The following TLK2 variants were observed in gnomAD, a reference collection of about 807,000 sequenced individuals.
The protein encoded by TLK2 is tousled like kinase 2.
In TLK2, 6 loss-of-function variants were observed where a neutral mutation model predicts 117.3. The observed-to-expected ratio is 0.05, with a 90% confidence interval of 0.03 to 0.10. TLK2 has a LOEUF of 0.10. Among genes scored for constraint, TLK2 ranks in the 10% least tolerant of loss-of-function variants. TLK2 has a pLI of 1.00. For synonymous variants in TLK2, 257 were observed against 316.7 expected, an observed-to-expected ratio of 0.81 and a Z score of 2.00; for missense variants, 299 against 901.2, an observed-to-expected ratio of 0.33 and a Z score of 8.56.
intron 2 of TLK2, among the ~76,000 whole-genome samples, chr17:62,510,737 AC>A (rs1344134836): frequency 6.6e-6 from 1 of 152,164 alleles, no homozygotes; most frequent in Non-Finnish European, 1.5e-5. Flanking sequence ...TCATAAGAAT[AC>A]CAGTTTTAAT....
intron 7 of TLK2, among the ~76,000 whole-genome samples, chr17:62,542,869 A>G (rs2077636483): frequency 6.6e-6 from 1 of 152,238 alleles, no homozygotes; most frequent in Admixed American, 6.5e-5. Flanking sequence ...ATTTTAAAAT[A>G]CAATTCAGAA....
intron 2 of TLK2, among the ~76,000 whole-genome samples, chr17:62,484,360 G>A (rs1303015150): frequency 4.0e-5 from 6 of 151,284 alleles, no homozygotes; most frequent in Non-Finnish European, 8.8e-5. Flanking sequence ...GCAGTGGCGC[G>A]ATCTCAGCTC....
intron 6 of TLK2, among the ~76,000 whole-genome samples, chr17:62,532,538 A>G (rs186153377): frequency 6.6e-6 from 1 of 152,342 alleles, no homozygotes; most frequent in African/African-American, 2.4e-5. Context: ...TGAAAACGTT[A>G]AAGAACTATT....
In TLK2 at chr17:62,546,611, G is replaced by A. The variant is rs1253510171; in HGVS notation, c.532-5691G>A. ...CACCATGTCACCCAGGCTGGAGTGC[G>A]GTGGCGTGATCTTGGCTCACTGCAA... On this transcript the variant is annotated intron_variant, in intron 7 of 21. Coordinates refer to ENST00000346027, the MANE Select transcript of TLK2 (RefSeq NM_006852.6). Among the ~76,000 whole-genome samples, 14 of 145,046 alleles carry A rather than the reference G, an allele frequency of 9.7e-5. No individual in the cohort carries two copies. The East Asian group carries it at 2.4e-3, about 25-fold the overall frequency.
intron 7 of TLK2, among the ~76,000 whole-genome samples, chr17:62,536,892 T>G (rs2077151623): frequency 6.6e-6 from 1 of 152,218 alleles, no homozygotes; most frequent in African/African-American, 2.4e-5. Flanking sequence ...CTTACTTCTT[T>G]CTCTATCTTT....
At chr17:62,514,351 G>A (rs1337053972) in intron 2 of TLK2, among the ~76,000 whole-genome samples, 3 of 151,220 alleles carry the variant, frequency 2.0e-5, no homozygotes, top group African/African-American at 7.3e-5. Context: ...CACCATGTTG[G>A]CCAGGCTGGT....
intron 6 of TLK2, among the ~76,000 whole-genome samples, chr17:62,528,613 C>T (rs958609988): frequency 5.9e-5 from 9 of 152,136 alleles, no homozygotes; most frequent in South Asian, 2.1e-4. Flanking sequence ...CACGAGGTTT[C>T]GCCATGTTGG....
At chr17:62,509,796 G>A (rs1354120194) in intron 2 of TLK2, among the ~76,000 whole-genome samples, 2 of 152,134 alleles carry the variant, frequency 1.3e-5, no homozygotes, top group African/African-American at 4.8e-5. Context: ...GACAGTGTCC[G>A]TCCCCTCTTG....
intron 7 of TLK2, chr17:62,550,592 T>C (rs1240973456): frequency 6.6e-6 from 1 of 152,184 alleles, no homozygotes; most frequent in Non-Finnish European, 1.5e-5. Flanking sequence ...AAAATGGCGT[T>C]AATAATGCTG....
chr17:62,490,188 T>C (rs1005671850), intron 2 of TLK2, among the ~76,000 whole-genome samples: 1 of 152,262 alleles, frequency 6.6e-6, no homozygotes, highest in African/African-American at 2.4e-5. Context: ...TTATTCTGTC[T>C]TCTCTGGCAT....
In TLK2 at chr17:62,482,447, G is replaced by C. The variant is rs143635949; in HGVS notation, c.81+1241G>C. Among the ~76,000 whole-genome samples, 476 of 141,478 alleles carry C rather than the reference G, an allele frequency of 3.4e-3. 3 individuals carry two copies. Among genetic ancestry groups the C allele is most frequent in the African/African-American group, 0.012 (447 of 38,520 alleles). 92.8% of individuals were successfully genotyped at this position (141,478 alleles called of 152,430 possible). On this transcript the variant is annotated intron_variant, in intron 2 of 21. Coordinates refer to ENST00000346027, the MANE Select transcript of TLK2 (RefSeq NM_006852.6). Reference sequence around the variant, plus strand: ...TTGGTGAGCCGGGATAGCTTGATAGGGTTTTGTTTTTTTTTTTTTTGAGTC... The same window carrying C: ...TTGGTGAGCCGGGATAGCTTGATAGCGTTTTGTTTTTTTTTTTTTTGAGTC...
At chr17:62,600,843 A>G in intron 18 of TLK2, 23 bp downstream of exon 18, 1 of 1,570,816 alleles carries the variant, frequency 6.4e-7, no homozygotes, top group Non-Finnish European at 8.6e-7. Context: ...TTTAGGAGAC[A>G]GTATTAGTGG....
rs1438313223 is a variant in TLK2, at chr17:62,548,238, ATATGTG to A, written c.532-4062_532-4057del. Among the ~76,000 whole-genome samples the A allele has an allele frequency of 7.0e-3, 779 of 111,866 alleles. 7 individuals carry two copies. Among genetic ancestry groups the A allele is most frequent in the African/African-American group, 0.027 (727 of 27,308 alleles). The allele number at this position is 111,866 out of a possible 152,430, so 73.4% of individuals were successfully genotyped here. A position where few individuals can be genotyped will look rare whatever the true frequency, so the allele number is the denominator to read the frequency against. The stretch of plus-strand genomic sequence containing the variant: ...ACTTATCATTGGGCCATATATATAT[ATATGTG>A]TGTGTGTGTGTGTGTGTGTGTGTGT... On this transcript the variant is annotated intron_variant, in intron 7 of 21. Coordinates refer to ENST00000346027, the MANE Select transcript of TLK2 (RefSeq NM_006852.6).
intron 6 of TLK2, among the ~76,000 whole-genome samples, chr17:62,535,479 GTGACAGGCCAGGCACGGTGGCTCA>G (rs1398314799): frequency 4.6e-5 from 7 of 151,974 alleles, no homozygotes; most frequent in African/African-American, 1.7e-4. Context: ...ATAAAGTCAC[GTGACAGGCCAGGCACGGTGGCTCA>G]TGCCTGTAAT....
At chr17:62,578,427 A>G (rs2080975541) in intron 13 of TLK2, 50 bp from the exon 14 acceptor site, 3 of 1,469,358 alleles carry the variant, frequency 2.0e-6, no homozygotes, top group African/African-American at 2.8e-5. Flanking sequence ...AAGATCCCGA[A>G]AAGGTAAAGT....
intron 11 of TLK2, 169 bp from the exon 12 acceptor site, chr17:62,573,046 C>G (rs2080438107): frequency 3.1e-6 from 2 of 644,778 alleles, no homozygotes; most frequent in Non-Finnish European, 5.3e-6. Context: ...AAACATCTAT[C>G]ACCAATTATT....
chr17:62,548,805 C>T (rs547578185), intron 7 of TLK2, among the ~76,000 whole-genome samples: 30 of 151,788 alleles, frequency 2.0e-4, no homozygotes, highest in African/African-American at 5.6e-4. Flanking sequence ...GGCATGATCT[C>T]GGCTCACTGC....
intron 21 of TLK2, among the ~76,000 whole-genome samples, chr17:62,609,375 G>GC (rs2083562058): frequency 6.6e-6 from 1 of 152,182 alleles, no homozygotes; most frequent in Non-Finnish European, 1.5e-5. Flanking sequence ...GAGCCACTGT[G>GC]CCCAGCCAGT....
chr17:62,565,486 C>G (rs1162488200), intron 11 of TLK2, among the ~76,000 whole-genome samples: 1 of 151,412 alleles, frequency 6.6e-6, no homozygotes, highest in Non-Finnish European at 1.5e-5. Flanking sequence ...GACCCTGTCT[C>G]TACTAGAAAT....
Sources: allele counts gnomAD v4.1 joint callset (sites outside exome capture counted in the v4.1 genomes callset), GRCh38; gene constraint gnomAD v4.1.1; transcripts MANE v1.5; gene names NCBI Gene and HGNC (gene_info 2026-07-23, HGNC 2026-07-21).